The following ADARB2 variants were observed in gnomAD, a reference collection of about 807,000 sequenced individuals.
ADARB2 encodes adenosine deaminase RNA specific B2 (inactive).
In ADARB2, 25 loss-of-function variants were observed where a neutral mutation model predicts 62.2. The observed-to-expected ratio is 0.40, with a 90% CI of 0.29 to 0.56. The LOEUF (loss-of-function observed/expected upper bound fraction) is 0.56. Among genes scored for constraint, ADARB2 ranks in the 20% least tolerant of loss-of-function variants. The pLI is 0.43. For missense variants in ADARB2, 1,071 were observed against 1,077.4 expected, an observed-to-expected ratio of 0.99 and a Z score of 0.08; for synonymous variants, 572 against 500.8, an observed-to-expected ratio of 1.14 and a Z score of -1.90.
At chr10:1,678,237 A>G (rs765806593) in intron 1 of ADARB2, 63 of 985,184 alleles carry the variant, frequency 6.4e-5, no homozygotes, top group Middle Eastern at 1.0e-3. Context: ...CCTCAGGGTG[A>G]GTGTCCTCGG....
At chr10:1,682,094 T>C (rs749093825) in intron 1 of ADARB2, among the ~76,000 whole-genome samples, 7 of 152,248 alleles carry the variant, frequency 4.6e-5, no homozygotes, top group Non-Finnish European at 8.8e-5. Flanking sequence ...CTTTGAAATC[T>C]ATTTTCTTAA....
intron 1 of ADARB2, among the ~76,000 whole-genome samples, chr10:1,512,999 C>T (rs370238958): frequency 3.9e-5 from 6 of 152,244 alleles, no homozygotes; most frequent in South Asian, 4.2e-4. Context: ...GGAGAGCGAA[C>T]GTGAAGAATG....
chr10:1,270,751 A>G (rs1197417686), intron 4 of ADARB2, among the ~76,000 whole-genome samples: 1 of 152,240 alleles, frequency 6.6e-6, no homozygotes, highest in African/African-American at 2.4e-5. Context: ...GGGCCCCGGC[A>G]GCCTAATCAC....
At chr10:1,476,436 T>A (rs1273769239) in intron 1 of ADARB2, among the ~76,000 whole-genome samples, 1 of 152,190 alleles carries the variant, frequency 6.6e-6, no homozygotes, top group Non-Finnish European at 1.5e-5. Flanking sequence ...GCGTGGTGAC[T>A]GTGCTCGTAA....
At chr10:1,274,423 G>C (rs531570950) in intron 3 of ADARB2, among the ~76,000 whole-genome samples, 117 of 152,284 alleles carry the variant, frequency 7.7e-4, no homozygotes, top group African/African-American at 2.3e-3. Flanking sequence ...AGCACACGCT[G>C]TGCTCCAGAG....
At chr10:1,285,399 C>T (rs1390962850) in intron 3 of ADARB2, among the ~76,000 whole-genome samples, 3 of 152,164 alleles carry the variant, frequency 2.0e-5, no homozygotes, top group Non-Finnish European at 2.9e-5. Context: ...CTTGGTGATG[C>T]CCTGAGGCTT....
chr10:1,393,888 A>T (rs1367203087), intron 1 of ADARB2, among the ~76,000 whole-genome samples: 1 of 152,000 alleles, frequency 6.6e-6, no homozygotes, highest in East Asian at 1.9e-4. Context: ...ACAAGGAGAA[A>T]CTCACAGCTT....
At chr10:1,566,177 T>C (rs1350871297) in intron 1 of ADARB2, among the ~76,000 whole-genome samples, 9 of 151,676 alleles carry the variant, frequency 5.9e-5, no homozygotes, top group Non-Finnish European at 1.3e-4. Context: ...TGTAAGATGG[T>C]TTACTTCCTG....
intron 1 of ADARB2, among the ~76,000 whole-genome samples, chr10:1,583,072 A>G (rs1833127534): frequency 6.6e-6 from 1 of 152,220 alleles, no homozygotes; most frequent in Non-Finnish European, 1.5e-5. Flanking sequence ...TTCATCTATC[A>G]TCACAAAGTA....
chr10:1,254,926 C>T (rs2131785802), intron 4 of ADARB2, among the ~76,000 whole-genome samples: 1 of 152,336 alleles, frequency 6.6e-6, no homozygotes, highest in Non-Finnish European at 1.5e-5. Context: ...TTAGTGAATC[C>T]CAAATGCTGA....
At chr10:1,425,496 G>A (rs185177545) in intron 1 of ADARB2, among the ~76,000 whole-genome samples, 28 of 152,310 alleles carry the variant, frequency 1.8e-4, no homozygotes, top group African/African-American at 6.3e-4. Context: ...TATACTGAAT[G>A]TGTTGCTGTC....
chr10:1,349,728 C>A (rs1215598984), intron 3 of ADARB2, among the ~76,000 whole-genome samples: 1 of 152,154 alleles, frequency 6.6e-6, no homozygotes, highest in East Asian at 1.9e-4. Flanking sequence ...TATCCATTGA[C>A]CCAAAACTCC....
At chr10:1,243,362 A>C (rs1390527635) in intron 4 of ADARB2, among the ~76,000 whole-genome samples, 2 of 152,228 alleles carry the variant, frequency 1.3e-5, no homozygotes, top group Non-Finnish European at 2.9e-5. Flanking sequence ...GTGACACACA[A>C]ATTAATGTCA....
intron 6 of ADARB2, among the ~76,000 whole-genome samples, chr10:1,228,708 C>T (rs193107863): frequency 2.3e-4 from 35 of 152,322 alleles, no homozygotes; most frequent in South Asian, 4.1e-4. Flanking sequence ...GTCTCTGTCG[C>T]GAAAGCAGCT....
At chr10:1,713,583 G>A (rs920444703) in intron 1 of ADARB2, among the ~76,000 whole-genome samples, 4 of 152,154 alleles carry the variant, frequency 2.6e-5, no homozygotes, top group African/African-American at 9.7e-5. Context: ...CATTGGCAAA[G>A]CCACAATACT....
chr10:1,505,468 G>A (rs74121016), intron 1 of ADARB2, among the ~76,000 whole-genome samples: 5,100 of 152,102 alleles, frequency 0.034, 271 homozygotes, highest in African/African-American at 0.11. Flanking sequence ...TCTTAGGGAG[G>A]CGAAATGATT....
At chr10:1,450,471 A>G (rs976839837) in intron 1 of ADARB2, among the ~76,000 whole-genome samples, 2 of 152,152 alleles carry the variant, frequency 1.3e-5, no homozygotes, top group African/African-American at 4.8e-5. Context: ...CTGATGTCGG[A>G]TGCCCGGATG....
intron 1 of ADARB2, among the ~76,000 whole-genome samples, chr10:1,698,991 C>T (rs954163325): frequency 1.9e-4 from 29 of 152,342 alleles, no homozygotes; most frequent in African/African-American, 5.1e-4. Flanking sequence ...AAGCTCCTGA[C>T]CTCAACTTAT....
rs879852498 is a variant in ADARB2 at position 1,261,461 on chromosome 10, AAAAC to A, written c.1192+9490_1192+9493del. 4.2e-3 allele frequency among the ~76,000 whole-genome samples: 638 copies of A among 150,188 alleles called. 6 individuals are homozygous for A. Among genetic ancestry groups the A allele is most frequent in the South Asian group, 7.1e-3 (34 of 4,804 alleles). On this transcript the variant is annotated intron_variant, in intron 4 of 9. Transcript: ENST00000381312. ...TGAACTCAAACAAATTTACAAGAAA[AAAAC>A]AACCCCATAAAAAAGTGGGCAAAGG...
Sources: allele counts gnomAD v4.1 joint callset (sites outside exome capture counted in the v4.1 genomes callset), GRCh38; gene constraint gnomAD v4.1.1; transcripts MANE v1.5; gene names NCBI Gene and HGNC (gene_info 2026-07-23, HGNC 2026-07-21).